ZNF589: variants seen among roughly 807,000 people sequenced by gnomAD.
The protein encoded by ZNF589 is zinc finger protein 589, also known as KRAB-zinc finger protein SZF1-1.
Under a neutral mutation model 13.6 loss-of-function variants are expected in ZNF589, and 17 were observed. The ratio of observed to expected loss-of-function variants is 1.25; its 90% confidence interval spans 0.86 to 1.88. ZNF589 has a LOEUF of 1.88. Ranked by LOEUF, ZNF589 falls within the 40% of genes most tolerant of loss-of-function variation. ZNF589 has a pLI of 0.00. For synonymous variants in ZNF589, 148 were observed against 161.6 expected (o/e 0.92, Z 0.64); for missense variants, 407 against 434.0 (o/e 0.94, Z 0.55).
chr3:48,269,322 A>T lies in ZNF589; in HGVS notation c.*536A>T. The T allele has an allele frequency of 1.5e-6, 2 of 1,346,200 alleles. No homozygotes were observed. Among genetic ancestry groups the T allele is most frequent in the Non-Finnish European group, 1.0e-6 (1 of 975,604 alleles). 83.4% of individuals were successfully genotyped at this position (1,346,200 alleles called of 1,614,324 possible). A position where few individuals can be genotyped will look rare whatever the true frequency, so the allele number is the denominator to read the frequency against. On this transcript the variant is annotated 3_prime_UTR_variant, in exon 4 of 4. Coordinates refer to ENST00000354698, the MANE Select transcript of ZNF589 (RefSeq NM_016089.3). ...GGCTTTATAGCTCAGTCAACCCTCC[A>T]CTACCACCGGAGTACACACTCCAAG...
chr3:48,247,225 C>A (rs565907138), intron 1 of ZNF589, among the ~76,000 whole-genome samples: 3 of 151,650 alleles, frequency 2.0e-5, no homozygotes, highest in African/African-American at 7.3e-5. Flanking sequence ...CTGCCTGCCT[C>A]GGCCTCCCAA....
At position 48,256,638 on chromosome 3, in the gene ZNF589, G is replaced by T. The variant is rs972342416; in HGVS notation, c.97-4175G>T. ...CGTCATAGGCCTGTGATCTTTCGGG[G>T]CAGCATGCCTCCATGGGGCTGGATG... On this transcript the variant is annotated intron_variant, in intron 2 of 3. Coordinates refer to ENST00000354698, the MANE Select transcript of ZNF589 (RefSeq NM_016089.3). The T allele has an allele frequency of 4.1e-6, 4 of 985,880 alleles. No individual in the cohort carries two copies. The African/African-American group carries it at 6.4e-5, about 16-fold the overall frequency. The allele number at this position is 985,880 out of a possible 1,614,324, so 61.1% of individuals were successfully genotyped here.
chr3:48,246,247 T>A (rs1434104707), intron 1 of ZNF589, among the ~76,000 whole-genome samples: 2 of 152,034 alleles, frequency 1.3e-5, no homozygotes, highest in African/African-American at 4.8e-5. Context: ...GTGGAGGTTG[T>A]AATGAGCAGA....
At chr3:48,243,844 A>T (rs1451374693) in intron 1 of ZNF589, among the ~76,000 whole-genome samples, 2 of 151,870 alleles carry the variant, frequency 1.3e-5, no homozygotes, top group Non-Finnish European at 2.9e-5. Context: ...AAGGATAATA[A>T]CTTTTCCCTC....
chr3:48,242,662 C>T (rs2033711558), intron 1 of ZNF589, among the ~76,000 whole-genome samples: 1 of 152,200 alleles, frequency 6.6e-6, no homozygotes, highest in Admixed American at 6.5e-5. Flanking sequence ...GTAGGCCACA[C>T]GGTCTTTGTT....
chr3:48,259,114 C>T (rs755156251), intron 2 of ZNF589, among the ~76,000 whole-genome samples: 6 of 152,206 alleles, frequency 3.9e-5, no homozygotes, highest in Non-Finnish European at 5.9e-5. Context: ...CACCACTGCC[C>T]GCTCAGGCCT....
intron 2 of ZNF589, among the ~76,000 whole-genome samples, chr3:48,250,748 A>G (rs1338754839): frequency 6.6e-6 from 1 of 152,068 alleles, no homozygotes; most frequent in Non-Finnish European, 1.5e-5. Context: ...CTGGGATTAC[A>G]GGCGTGAGCC....
rs1399893194 is a variant in ZNF589, at chr3:48,270,103, A to G, written c.*1317A>G. 6.6e-6 allele frequency: 3 copies of G among 456,972 alleles called. No homozygotes were observed. The highest frequency in any genetic ancestry group is 1.3e-5 in the Non-Finnish European group (3 of 227,056). The allele number at this position is 456,972 out of a possible 1,614,324, so 28.3% of individuals were successfully genotyped here. A position where few individuals can be genotyped will look rare whatever the true frequency, so the allele number is the denominator to read the frequency against. ...CTTCCTTCTGCAACTGTGTTCTTCC[A>G]TTAGCTTCCATGACACTCTCCTGCT... On this transcript the variant is annotated 3_prime_UTR_variant, in exon 4 of 4. Transcript: ENST00000354698.
intron 3 of ZNF589, among the ~76,000 whole-genome samples, chr3:48,266,784 C>T (rs1263534251): frequency 6.6e-6 from 1 of 152,150 alleles, no homozygotes; most frequent in East Asian, 1.9e-4. Flanking sequence ...TATATATTAT[C>T]GCAACAGAGA....
intron 2 of ZNF589, among the ~76,000 whole-genome samples, chr3:48,254,132 T>C (rs925051269): frequency 6.6e-6 from 1 of 151,976 alleles, no homozygotes; most frequent in African/African-American, 2.4e-5. Context: ...GGCTCATGCC[T>C]GTAATCCCAG....
rs2033963107 is a variant in ZNF589 at position 48,260,818 on chromosome 3, A to G, written c.102A>G (p.Pro34=). The G allele has an allele frequency of 6.2e-7, 1 of 1,614,080 alleles. No homozygotes were observed. The highest frequency in any genetic ancestry group is 8.5e-7 in the Non-Finnish European group (1 of 1,180,052). The change falls in exon 3 of 4, where the codon CCA becomes CCG. Residue 34 remains proline, a synonymous_variant. Coordinates refer to ENST00000354698, the MANE Select transcript of ZNF589 (RefSeq NM_016089.3). The stretch of plus-strand genomic sequence containing the variant: ...GAATTTATCGGTTGATTTAGGGACC[A>G]GTGACTTTCGAGGATGTGGCTGTGC... ...PWEEKPRYLG[P]VTFEDVAVLF...
intron 2 of ZNF589, among the ~76,000 whole-genome samples, chr3:48,252,836 A>T (rs1162052733): frequency 6.6e-6 from 1 of 150,926 alleles, no homozygotes. Context: ...GTTATCCAGG[A>T]TGGTCTCAAT....
At chr3:48,250,842 C>T (rs564170078) in intron 2 of ZNF589, among the ~76,000 whole-genome samples, 29 of 152,132 alleles carry the variant, frequency 1.9e-4, no homozygotes, top group Non-Finnish European at 3.7e-4. Flanking sequence ...GTTTTCTTAA[C>T]GTCTTTTGAT....
chr3:48,244,246 C>T lies in ZNF589; in HGVS notation c.43+3032C>T, dbSNP rs1157336453. Among the ~76,000 whole-genome samples, 3 of 152,164 alleles carry T rather than the reference C, an allele frequency of 2.0e-5. No homozygotes were observed. In the East Asian group the frequency reaches 5.8e-4, roughly 29 times the overall value. On this transcript the variant is annotated intron_variant, in intron 1 of 3. Coordinates refer to ENST00000354698, the MANE Select transcript of ZNF589 (RefSeq NM_016089.3). The stretch of plus-strand genomic sequence containing the variant: ...TGCTGAAAAGACTGAGGAGCTGCCT[C>T]CTTGCCTTGTGCTTTGCTCAGATGT...
chr3:48,247,697 C>T lies in ZNF589; in HGVS notation c.96+20C>T, dbSNP rs988110354. 1 of 1,611,594 alleles carries T rather than the reference C, an allele frequency of 6.2e-7. No homozygotes were observed. Among genetic ancestry groups the T allele is most frequent in the East Asian group, 2.2e-5 (1 of 44,836 alleles). On this transcript the variant is annotated intron_variant, in intron 2 of 3. Coordinates refer to ENST00000354698, the MANE Select transcript of ZNF589 (RefSeq NM_016089.3). ...TATCTGGTGAGTTGGGCCCGCCCTT[C>T]TCTTTTCTGAAATGCTGGCTCATTT...
intron 2 of ZNF589, 75 bp from the exon 3 acceptor site, chr3:48,260,738 C>T: frequency 1.2e-6 from 2 of 1,604,160 alleles, no homozygotes; most frequent in East Asian, 2.2e-5. Context: ...GCTAGATGCT[C>T]CAAGACCACC....
At chr3:48,253,642 G>A (rs1433678123) in intron 2 of ZNF589, among the ~76,000 whole-genome samples, 1 of 151,996 alleles carries the variant, frequency 6.6e-6, no homozygotes, top group African/African-American at 2.4e-5. Flanking sequence ...TGGGACTACA[G>A]GCGGCTGCCA....
At chr3:48,250,306 CT>C (rs34016179) in intron 2 of ZNF589, among the ~76,000 whole-genome samples, 31,211 of 116,850 alleles carry the variant, frequency 0.27, 4,071 homozygotes, top group Non-Finnish European at 0.3. Context: ...TCTCTACTTT[CT>C]TTTTTTTTTT....
intron 3 of ZNF589, among the ~76,000 whole-genome samples, chr3:48,265,973 A>C (rs1164392005): frequency 6.6e-6 from 1 of 152,142 alleles, no homozygotes; most frequent in Non-Finnish European, 1.5e-5. Flanking sequence ...TGCTGGTATT[A>C]TTTCATAGAT....
Sources: gnomAD v4.1 joint callset for allele counts (sites outside exome capture counted in the v4.1 genomes callset) on GRCh38, gnomAD v4.1.1 for gene constraint, MANE v1.5 for transcripts, NCBI Gene and HGNC (gene_info 2026-07-23, HGNC 2026-07-21) for gene names.